Variants in ANO4 observed in about 807,000 individuals in gnomAD.
ANO4 encodes the protein anoctamin 4.
A neutral mutation model predicts 141.9 loss-of-function variants in ANO4; 69 were observed. That is an observed-to-expected ratio of 0.49 (90% CI 0.40 to 0.59). The LOEUF is 0.59. Among genes scored for constraint, ANO4 ranks in the 20% least tolerant of loss-of-function variants. The pLI is 0.00. For missense variants in ANO4, 894 were observed against 1,162.2 expected (o/e 0.77, Z 3.36); for synonymous variants, 350 against 394.3 (o/e 0.89, Z 1.33).
chr12:100,920,179 T>C (rs908450695), intron 2 of ANO4, among the ~76,000 whole-genome samples: 1 of 152,104 alleles, frequency 6.6e-6, no homozygotes, highest in African/African-American at 2.4e-5. Context: ...CTGGGTTATG[T>C]TGGATTTATT....
intron 1 of ANO4, among the ~76,000 whole-genome samples, chr12:100,820,666 A>G (rs569418513): frequency 6.6e-6 from 1 of 152,180 alleles, no homozygotes; most frequent in East Asian, 1.9e-4. Context: ...AAACGAGTGC[A>G]TAGGCAAAAT....
intron 3 of ANO4, among the ~76,000 whole-genome samples, chr12:100,771,685 G>A (rs892963742): frequency 1.3e-5 from 2 of 152,170 alleles, no homozygotes; most frequent in African/African-American, 4.8e-5. Flanking sequence ...ATGGAGAAAA[G>A]CATCTTCAAA....
chr12:101,100,002 G>A (rs995376439), intron 22 of ANO4, among the ~76,000 whole-genome samples: 1 of 152,062 alleles, frequency 6.6e-6, no homozygotes, highest in East Asian at 1.9e-4. Context: ...ATTTATTAAC[G>A]GTGAAACTTT....
At chr12:100,843,565 C>T (rs2037394194) in intron 1 of ANO4, among the ~76,000 whole-genome samples, 1 of 152,294 alleles carries the variant, frequency 6.6e-6, no homozygotes, top group East Asian at 1.9e-4. Context: ...AACAAGCACC[C>T]TTTAAAAGTG....
At chr12:100,782,545 A>C (rs1158997947) in intron 3 of ANO4, among the ~76,000 whole-genome samples, 1 of 151,836 alleles carries the variant, frequency 6.6e-6, no homozygotes, top group African/African-American at 2.4e-5. Context: ...TTTTTCATGG[A>C]GGCATAATGA....
intron 1 of ANO4, among the ~76,000 whole-genome samples, chr12:100,872,105 C>T (rs2039064842): frequency 6.6e-6 from 1 of 152,092 alleles, no homozygotes; most frequent in Non-Finnish European, 1.5e-5. Flanking sequence ...AGCCAAATGG[C>T]CTTGGATTAA....
At chr12:100,852,224 A>G (rs1351295867) in intron 1 of ANO4, 2 of 152,240 alleles carry the variant, frequency 1.3e-5, no homozygotes, top group Admixed American at 6.5e-5. Flanking sequence ...TAAACTTGCT[A>G]TAATCTATAC....
At chr12:101,121,181 GAGC>G (rs2051076032) in intron 26 of ANO4, among the ~76,000 whole-genome samples, 2 of 152,046 alleles carry the variant, frequency 1.3e-5, no homozygotes, top group African/African-American at 4.8e-5. Context: ...CCCAGGTAGC[GAGC>G]ATAGTATTCA....
At position 100,874,421 on chromosome 12, in the gene ANO4, G is replaced by C. The variant is rs557006482; in HGVS notation, c.-140-27225G>C. On this transcript the variant is annotated intron_variant, in intron 1 of 27. Transcript: ENST00000392977. ...ATCCCTGTATAGCCACAGGGGCAGA[G>C]CTGCCTAAGGCCTTGGGAGCCTAGC... 1.6e-4 allele frequency among the ~76,000 whole-genome samples: 25 copies of C among 152,378 alleles called. No individual in the cohort carries two copies. In the South Asian group the frequency reaches 4.6e-3, roughly 28 times the overall value.
chr12:101,090,685 C>T (rs535681822), intron 17 of ANO4, among the ~76,000 whole-genome samples: 2 of 151,980 alleles, frequency 1.3e-5, no homozygotes, highest in South Asian at 4.1e-4. Context: ...CAACATGGCA[C>T]ATGTATATAT....
intron 3 of ANO4, among the ~76,000 whole-genome samples, chr12:100,776,505 A>G (rs1380760450): frequency 6.6e-6 from 1 of 152,134 alleles, no homozygotes; most frequent in Non-Finnish European, 1.5e-5. Context: ...TCATTGGGGG[A>G]TACAGGGGCA....
At chr12:100,793,243 G>T (rs145163906), upstream of ANO4, among the ~76,000 whole-genome samples, 541 of 152,314 alleles carry the variant, frequency 3.6e-3, 9 homozygotes, top group East Asian at 0.031. Context: ...AACAGCATTT[G>T]AGAATCAAAG....
At chr12:100,972,046 T>G (rs1017145075) in intron 6 of ANO4, among the ~76,000 whole-genome samples, 3 of 152,226 alleles carry the variant, frequency 2.0e-5, no homozygotes, top group African/African-American at 7.2e-5. Context: ...AAAAGTGATC[T>G]GCATTTGCTA....
At chr12:100,841,414 C>T (rs1024797531) in intron 1 of ANO4, among the ~76,000 whole-genome samples, 1 of 152,078 alleles carries the variant, frequency 6.6e-6, no homozygotes. Context: ...AGTCTATATC[C>T]CACAGAGCTC....
At chr12:101,013,252 TG>T (rs2046177850) in intron 8 of ANO4, among the ~76,000 whole-genome samples, 1 of 152,210 alleles carries the variant, frequency 6.6e-6, no homozygotes, top group African/African-American at 2.4e-5. Context: ...CAGTTGAATG[TG>T]GGAGTTCAGT....
intron 1 of ANO4, among the ~76,000 whole-genome samples, chr12:100,798,301 C>T (rs1748345499): frequency 6.6e-6 from 1 of 152,244 alleles, no homozygotes; most frequent in African/African-American, 2.4e-5. Flanking sequence ...ATCCCTTTTA[C>T]CATCTCTTTG....
intron 5 of ANO4, among the ~76,000 whole-genome samples, chr12:100,958,979 A>G (rs2043290183): frequency 6.6e-6 from 1 of 152,112 alleles, no homozygotes; most frequent in Non-Finnish European, 1.5e-5. Context: ...GTGGGGGCTC[A>G]CTGAAGGTGA....
At chr12:101,115,134 T>C (rs952542931) in intron 24 of ANO4, among the ~76,000 whole-genome samples, 1 of 152,156 alleles carries the variant, frequency 6.6e-6, no homozygotes, top group African/African-American at 2.4e-5. Context: ...AATCAGTAAT[T>C]ACTTATTGAC....
intron 2 of ANO4, among the ~76,000 whole-genome samples, chr12:100,908,130 C>A (rs987535091): frequency 6.6e-6 from 1 of 152,114 alleles, no homozygotes. Flanking sequence ...GAGGCCGAGG[C>A]GGGTGGATCA....
Sources: gnomAD v4.1 joint callset for allele counts (sites outside exome capture counted in the v4.1 genomes callset) on GRCh38, gnomAD v4.1.1 for gene constraint, MANE v1.5 for transcripts, NCBI Gene and HGNC (gene_info 2026-07-23, HGNC 2026-07-21) for gene names.